The following MAPKAP1 variants were observed in gnomAD, a reference collection of about 807,000 sequenced individuals.
MAPKAP1 encodes the protein target of rapamycin complex 2 subunit MAPKAP1.
Under a neutral mutation model 65.7 loss-of-function variants are expected in MAPKAP1, and 20 were observed. The ratio of observed to expected loss-of-function variants is 0.30; its 90% CI spans 0.21 to 0.44. The LOEUF (loss-of-function observed/expected upper bound fraction) is 0.44, where lower values mean the gene tolerates loss of function less well. MAPKAP1 is among the 20% of genes least tolerant of loss of function. The pLI is 1.00. For synonymous variants in MAPKAP1, 222 were observed against 244.3 expected (o/e 0.91, Z 0.85); for missense variants, 423 against 648.0 (o/e 0.65, Z 3.77).
intron 7 of MAPKAP1, among the ~76,000 whole-genome samples, chr9:125,519,654 A>ATATATATATG (rs895003066): frequency 7.6e-5 from 11 of 144,350 alleles, no homozygotes; most frequent in Non-Finnish European, 1.5e-4. Flanking sequence ...TATGTCTTTT[A>ATATATATATG]TATATATATA....
At chr9:125,561,962 G>C (rs1830906674) in intron 5 of MAPKAP1, among the ~76,000 whole-genome samples, 1 of 152,186 alleles carries the variant, frequency 6.6e-6, no homozygotes, top group Admixed American at 6.6e-5. Context: ...GAGTCAACAT[G>C]TCCACTGTGT....
intron 1 of MAPKAP1, among the ~76,000 whole-genome samples, chr9:125,677,210 G>A (rs1171711117): frequency 2.0e-5 from 3 of 151,938 alleles, no homozygotes; most frequent in Admixed American, 6.6e-5. Flanking sequence ...AGGCCGAGGC[G>A]GGCGGATCAC....
At chr9:125,472,234 T>G (rs2133002275) in intron 9 of MAPKAP1, among the ~76,000 whole-genome samples, 1 of 152,300 alleles carries the variant, frequency 6.6e-6, no homozygotes, top group Middle Eastern at 3.4e-3. Flanking sequence ...AGGGAGCATC[T>G]AAGTGGAACA....
chr9:125,535,481 A>G (rs377125505), intron 7 of MAPKAP1, among the ~76,000 whole-genome samples: 18 of 152,164 alleles, frequency 1.2e-4, no homozygotes, highest in African/African-American at 4.1e-4. Flanking sequence ...CATGGCACAG[A>G]GCAGGCAGCA....
intron 7 of MAPKAP1, among the ~76,000 whole-genome samples, chr9:125,542,315 CT>C (rs1458196967): frequency 6.6e-6 from 1 of 152,154 alleles, no homozygotes; most frequent in South Asian, 2.1e-4. Flanking sequence ...CCCAGCAATG[CT>C]TTTTTTCCTT....
intron 7 of MAPKAP1, among the ~76,000 whole-genome samples, chr9:125,523,648 G>T (rs1266172493): frequency 6.6e-6 from 1 of 152,196 alleles, no homozygotes; most frequent in Non-Finnish European, 1.5e-5. Flanking sequence ...TGAATTTAAT[G>T]AGAAAAATTA....
chr9:125,488,374 C>T (rs2133046040), intron 8 of MAPKAP1, among the ~76,000 whole-genome samples: 1 of 152,240 alleles, frequency 6.6e-6, no homozygotes, highest in Non-Finnish European at 1.5e-5. Context: ...TTCTTTCTCT[C>T]TCTCTTTTGA....
intron 5 of MAPKAP1, chr9:125,565,448 G>GA (rs1347349695): frequency 1.2e-5 from 2 of 169,580 alleles, no homozygotes; most frequent in East Asian, 1.9e-4. Context: ...AATGCTTATT[G>GA]TTTTTTTTTT....
At chr9:125,618,397 A>AC in intron 4 of MAPKAP1, among the ~76,000 whole-genome samples, 1 of 150,358 alleles carries the variant, frequency 6.7e-6, no homozygotes, top group East Asian at 2.0e-4. Context: ...GTTAAAGACA[A>AC]CCCATTACCC....
At chr9:125,627,808 C>G (rs1833157463) in intron 4 of MAPKAP1, among the ~76,000 whole-genome samples, 1 of 152,124 alleles carries the variant, frequency 6.6e-6, no homozygotes, top group Admixed American at 6.5e-5. Flanking sequence ...GCTCTGAAAG[C>G]ATTCAGGTAA....
chr9:125,601,612 C>T (rs1406461818), intron 4 of MAPKAP1, among the ~76,000 whole-genome samples: 1 of 152,154 alleles, frequency 6.6e-6, no homozygotes, highest in African/African-American at 2.4e-5. Context: ...ATTAGATGGC[C>T]TTGGCATAAA....
intron 10 of MAPKAP1, among the ~76,000 whole-genome samples, chr9:125,445,375 C>T (rs1042852641): frequency 1.3e-5 from 2 of 152,064 alleles, no homozygotes; most frequent in African/African-American, 2.4e-5. Context: ...GCCACACCAG[C>T]CTCTACACAG....
In MAPKAP1 at chr9:125,468,149, G is replaced by A. The variant is rs773537216; in HGVS notation, c.1208-40C>T. ...GAGGACACAAAAGAAAACACAAGAA[G>A]TAGAAGGTGTAAGTGATTTCAGGGA... On this transcript the variant is annotated intron_variant, in intron 9 of 11. Transcript: ENST00000265960. 7 of 1,602,508 alleles carry A rather than the reference G, an allele frequency of 4.4e-6. No homozygotes were observed. The Admixed American group carries it at 5.1e-5, about 12-fold the overall frequency.
intron 7 of MAPKAP1, among the ~76,000 whole-genome samples, chr9:125,529,901 T>A (rs1829886122): frequency 6.6e-6 from 1 of 152,256 alleles, no homozygotes; most frequent in African/African-American, 2.4e-5. Flanking sequence ...CCTTACTGAC[T>A]AGCTATTTTT....
At chr9:125,535,817 C>T (rs984421541) in intron 7 of MAPKAP1, among the ~76,000 whole-genome samples, 1 of 152,118 alleles carries the variant, frequency 6.6e-6, no homozygotes, top group African/African-American at 2.4e-5. Flanking sequence ...CCCTAGTGAA[C>T]CCAGGAGAAG....
At chr9:125,523,266 C>T (rs1589255875) in intron 7 of MAPKAP1, among the ~76,000 whole-genome samples, 1 of 152,218 alleles carries the variant, frequency 6.6e-6, no homozygotes, top group African/African-American at 2.4e-5. Context: ...TCCTGCCCTG[C>T]CCTCTGATAC....
At chr9:125,662,656 C>T (rs1183311900) in intron 3 of MAPKAP1, among the ~76,000 whole-genome samples, 2 of 151,908 alleles carry the variant, frequency 1.3e-5, no homozygotes, top group African/African-American at 4.8e-5. Flanking sequence ...GCACTCCAGC[C>T]TGGGCGACAG....
intron 11 of MAPKAP1, among the ~76,000 whole-genome samples, chr9:125,443,726 CCT>C (rs1275004487): frequency 5.3e-5 from 8 of 149,980 alleles, no homozygotes; most frequent in Non-Finnish European, 1.5e-5. Flanking sequence ...CCCCCATCCC[CCT>C]GTGCCTGCCT....
intron 5 of MAPKAP1, chr9:125,565,521 G>T (rs528459993): frequency 1.0e-4 from 19 of 181,754 alleles, no homozygotes; most frequent in South Asian, 8.0e-4. Flanking sequence ...TTGGGCTTTG[G>T]TGTTTATTTT....
Sources: allele counts gnomAD v4.1 joint callset (sites outside exome capture counted in the v4.1 genomes callset), GRCh38; gene constraint gnomAD v4.1.1; transcripts MANE v1.5; gene names NCBI Gene and HGNC (gene_info 2026-07-23, HGNC 2026-07-21).